The following ST18 variants were observed in gnomAD, a reference collection of about 807,000 sequenced individuals.
ST18 encodes the protein suppression of tumorigenicity 18 protein.
In ST18, 50 loss-of-function variants were observed where a neutral mutation model predicts 110.0. The ratio of observed to expected loss-of-function variants is 0.45; its 90% CI spans 0.36 to 0.58. The LOEUF is 0.58. Ranked by LOEUF, ST18 falls within the 20% of genes least tolerant of loss-of-function variation. ST18 has a pLI of 0.00. For missense variants in ST18, 1,306 were observed against 1,280.1 expected, an observed-to-expected ratio of 1.02 and a Z score of -0.31; for synonymous variants, 461 against 452.4, an observed-to-expected ratio of 1.02 and a Z score of -0.24.
chr8:52,165,435 C>T (rs2062652907), intron 11 of ST18, among the ~76,000 whole-genome samples: 1 of 152,174 alleles, frequency 6.6e-6, no homozygotes, highest in African/African-American at 2.4e-5. Context: ...TCTCTAAACT[C>T]CACGTTGTGT....
intron 2 of ST18, among the ~76,000 whole-genome samples, chr8:52,235,109 A>G (rs1264598127): frequency 1.3e-5 from 2 of 152,168 alleles, no homozygotes; most frequent in Non-Finnish European, 2.9e-5. Flanking sequence ...CCAAAAACCT[A>G]TGGAAATCAA....
chr8:52,144,151 A>G (rs535684084), intron 16 of ST18, among the ~76,000 whole-genome samples: 112 of 152,224 alleles, frequency 7.4e-4, no homozygotes, highest in African/African-American at 2.5e-3. Context: ...CAGATAACAA[A>G]TGATGGTTTT....
At chr8:52,325,610 G>T (rs1035354471) in intron 2 of ST18, among the ~76,000 whole-genome samples, 1 of 152,054 alleles carries the variant, frequency 6.6e-6, no homozygotes, top group African/African-American at 2.4e-5. Context: ...TTAAAAAAAT[G>T]GTAAAACGAA....
At chr8:52,377,917 T>G (rs1833027669) in intron 2 of ST18, among the ~76,000 whole-genome samples, 1 of 152,122 alleles carries the variant, frequency 6.6e-6, no homozygotes. Context: ...TATTCAGCCA[T>G]AAAAAAGAAT....
intron 6 of ST18, among the ~76,000 whole-genome samples, chr8:52,215,563 A>G (rs2083866931): frequency 2.0e-5 from 3 of 152,222 alleles, no homozygotes; most frequent in Admixed American, 1.3e-4. Context: ...ACACCACACC[A>G]ATCGTTGAAC....
intron 2 of ST18, among the ~76,000 whole-genome samples, chr8:52,292,357 T>G (rs76744597): frequency 1.1e-3 from 164 of 152,182 alleles, no homozygotes; most frequent in African/African-American, 3.5e-3. Context: ...CAAACAGAAC[T>G]GGTTACATTT....
At chr8:52,167,576 T>A (rs1404404884) in intron 10 of ST18, among the ~76,000 whole-genome samples, 1 of 152,132 alleles carries the variant, frequency 6.6e-6, no homozygotes, top group Non-Finnish European at 1.5e-5. Flanking sequence ...GGTCTCGAGA[T>A]TCCAACACCC....
Position 52,180,448 on chromosome 8 carries a change from A to C in ST18, c.87-136T>G, listed in dbSNP as rs560292248. ...TTTAGGGTTGGTTACTGGCACTAACAAAAACATCCCATCTGTGGACTCCAC... is the reference window on the plus strand; with the variant it reads ...TTTAGGGTTGGTTACTGGCACTAACCAAAACATCCCATCTGTGGACTCCAC... On this transcript the variant is annotated intron_variant, in intron 8 of 25. Coordinates refer to ENST00000689386, the MANE Select transcript of ST18 (RefSeq NM_001352837.2). 85 of 826,710 alleles carry C rather than the reference A, an allele frequency of 1.0e-4. No homozygotes were observed. In the African/African-American group the frequency reaches 1.3e-3, roughly 13 times the overall value. 51.2% of individuals were successfully genotyped at this position (826,710 alleles called of 1,614,324 possible).
chr8:52,388,911 C>T (rs1197295265), intron 2 of ST18, among the ~76,000 whole-genome samples: 2 of 145,930 alleles, frequency 1.4e-5, no homozygotes, highest in African/African-American at 5.0e-5. Context: ...CACATGTATA[C>T]ATATGTAACT....
At position 52,316,495 on chromosome 8, in the gene ST18, T is replaced by G. The variant is rs373997210; in HGVS notation, c.-464-86418A>C. Among the ~76,000 whole-genome samples, 6 of 152,348 alleles carry G rather than the reference T, an allele frequency of 3.9e-5. No individual in the cohort carries two copies. The East Asian group carries it at 7.7e-4, about 20-fold the overall frequency. ...ACTTTTATAATATTGAGTCTTCCCATGAACACAAGACAACTCCACATTCAA... is the reference window on the plus strand; with the variant it reads ...ACTTTTATAATATTGAGTCTTCCCAGGAACACAAGACAACTCCACATTCAA... On this transcript the variant is annotated intron_variant, in intron 2 of 25. Transcript: ENST00000689386.
At chr8:52,271,349 T>C (rs902305045) in intron 2 of ST18, among the ~76,000 whole-genome samples, 9 of 152,156 alleles carry the variant, frequency 5.9e-5, no homozygotes, top group African/African-American at 2.2e-4. Context: ...ACTTTTCCAT[T>C]CTCTTTCCAA....
rs561447308 is a variant in ST18, at chr8:52,373,352, C to T, written c.-465+35976G>A. 8.5e-5 allele frequency among the ~76,000 whole-genome samples: 13 copies of T among 152,282 alleles called. No homozygotes were observed. In the South Asian group the frequency reaches 2.3e-3, roughly 27 times the overall value. On this transcript the variant is annotated intron_variant, in intron 2 of 25. Transcript: ENST00000689386. The stretch of plus-strand genomic sequence containing the variant: ...ACTTATGAACTCCCAGTCATCTCCC[C>T]TCATTTCTGGAAGATGTTAGCTCCT...
chr8:52,302,417 T>C (rs1414629935), intron 2 of ST18, among the ~76,000 whole-genome samples: 1 of 152,170 alleles, frequency 6.6e-6, no homozygotes, highest in African/African-American at 2.4e-5. Flanking sequence ...CATGCCTGTA[T>C]TTATGTGTGT....
At chr8:52,281,073 T>G (rs996185949) in intron 2 of ST18, among the ~76,000 whole-genome samples, 1 of 152,136 alleles carries the variant, frequency 6.6e-6, no homozygotes, top group Non-Finnish European at 1.5e-5. Flanking sequence ...TTTAAATGCT[T>G]CTAAATAACT....
chr8:52,229,459 AT>A (rs1277238193), intron 3 of ST18, among the ~76,000 whole-genome samples: 1 of 152,162 alleles, frequency 6.6e-6, no homozygotes, highest in Non-Finnish European at 1.5e-5. Context: ...ACTGAGAGCC[AT>A]TCCCAGCTTC....
At chr8:52,181,110 A>T (rs1045808246) in intron 8 of ST18, among the ~76,000 whole-genome samples, 2 of 152,208 alleles carry the variant, frequency 1.3e-5, no homozygotes, top group African/African-American at 2.4e-5. Context: ...TGAAGTTAAG[A>T]CAAACATTCT....
At chr8:52,245,267 AT>A (rs2093751713) in intron 2 of ST18, among the ~76,000 whole-genome samples, 1 of 152,028 alleles carries the variant, frequency 6.6e-6, no homozygotes, top group African/African-American at 2.4e-5. Flanking sequence ...TTGTTTTCAT[AT>A]TCTCTTTAAT....
At chr8:52,308,980 A>C (rs1185081561) in intron 2 of ST18, among the ~76,000 whole-genome samples, 1 of 152,246 alleles carries the variant, frequency 6.6e-6, no homozygotes, top group Non-Finnish European at 1.5e-5. Context: ...ACATTAGCTA[A>C]GTGGCTACTG....
chr8:52,128,095 A>G (rs1386440526), intron 22 of ST18, among the ~76,000 whole-genome samples: 2 of 152,050 alleles, frequency 1.3e-5, no homozygotes, highest in South Asian at 2.1e-4. Flanking sequence ...CAGCCTCCCA[A>G]GTAGCTGGGA....
Sources: gnomAD v4.1 joint callset for allele counts (sites outside exome capture counted in the v4.1 genomes callset) on GRCh38, gnomAD v4.1.1 for gene constraint, MANE v1.5 for transcripts, NCBI Gene and HGNC (gene_info 2026-07-23, HGNC 2026-07-21) for gene names.